Variants in ELP4 observed in about 807,000 individuals in gnomAD.
The protein encoded by ELP4 is elongator complex protein 4.
ELP4 carries 51 observed loss-of-function variants against 48.9 expected under a neutral mutation model. That is an observed-to-expected ratio of 1.04 (90% CI 0.83 to 1.32). The LOEUF is 1.32. Ranked by LOEUF, ELP4 falls within the 40% of genes most tolerant of loss-of-function variation. The pLI, the probability that ELP4 is intolerant of heterozygous loss-of-function variation, is 0.00. For synonymous variants in ELP4, 210 were observed against 189.2 expected, an observed-to-expected ratio of 1.11 and a Z score of -0.90; for missense variants, 519 against 514.6, an observed-to-expected ratio of 1.01 and a Z score of -0.08.
chr11:31,605,569 T>C (rs909421041), intron 5 of ELP4, among the ~76,000 whole-genome samples: 1 of 152,090 alleles, frequency 6.6e-6, no homozygotes, highest in African/African-American at 2.4e-5. Flanking sequence ...AAAATAAATG[T>C]AAAATGTATA....
intron 5 of ELP4, among the ~76,000 whole-genome samples, chr11:31,616,857 C>T (rs1944496501): frequency 6.6e-6 from 1 of 151,906 alleles, no homozygotes; most frequent in Non-Finnish European, 1.5e-5. Flanking sequence ...AAGTCAAAAC[C>T]ACAAGATACC....
chr11:31,705,010 A>C (rs1047653384), intron 9 of ELP4, among the ~76,000 whole-genome samples: 2 of 143,988 alleles, frequency 1.4e-5, no homozygotes, highest in African/African-American at 5.2e-5. Context: ...ACTCCATCTC[A>C]AAAAAAAAAA....
At position 31,729,982 on chromosome 11, in the gene ELP4, A is replaced by T. The variant is rs190846977; in HGVS notation, c.1144-53411A>T. ...GATTGTAGAATAGGAATCCCCAGAC[A>T]TTCTTTCCTTCTGTGGAAATACCAA... On this transcript the variant is annotated intron_variant, in intron 9 of 9. Transcript: ENST00000640961. Among the ~76,000 whole-genome samples the T allele has an allele frequency of 1.4e-4, 22 of 152,324 alleles. No individual in the cohort carries two copies. In the East Asian group the frequency reaches 2.9e-3, roughly 20 times the overall value.
chr11:31,763,551 T>C (rs1272462316), intron 9 of ELP4: 1 of 1,591,510 alleles, frequency 6.3e-7, no homozygotes, highest in Non-Finnish European at 8.5e-7. Flanking sequence ...TTGCAAAGGG[T>C]ATGGGCTTTC....
chr11:31,610,519 C>G (rs544069960), intron 5 of ELP4, among the ~76,000 whole-genome samples: 16 of 152,284 alleles, frequency 1.1e-4, no homozygotes, highest in African/African-American at 1.9e-4. Flanking sequence ...TCCCTTCCCC[C>G]CTCCGTATTC....
intron 9 of ELP4, among the ~76,000 whole-genome samples, chr11:31,665,969 T>C (rs1945664521): frequency 6.6e-6 from 1 of 150,910 alleles, no homozygotes. Flanking sequence ...TCTCTCACTT[T>C]AACATAAAAT....
chr11:31,540,131 A>G (rs952372879), intron 3 of ELP4, among the ~76,000 whole-genome samples: 1 of 152,206 alleles, frequency 6.6e-6, no homozygotes, highest in Non-Finnish European at 1.5e-5. Flanking sequence ...GAAAGGGGAA[A>G]AACATCCTTT....
chr11:31,600,347 T>C (rs1957758672), intron 4 of ELP4: 1 of 152,182 alleles, frequency 6.6e-6, no homozygotes, highest in Admixed American at 6.5e-5. Flanking sequence ...CTTAATTTTC[T>C]CAGTATTGTA....
intron 3 of ELP4, among the ~76,000 whole-genome samples, chr11:31,558,365 A>G (rs556698857): frequency 3.9e-5 from 6 of 152,318 alleles, no homozygotes; most frequent in African/African-American, 1.4e-4. Flanking sequence ...ATTAAAATGT[A>G]CAGGAGAATA....
intron 7 of ELP4, among the ~76,000 whole-genome samples, chr11:31,644,894 A>G (rs1945170694): frequency 6.6e-6 from 1 of 151,800 alleles, no homozygotes; most frequent in Non-Finnish European, 1.5e-5. Flanking sequence ...GTAAAAATAA[A>G]CATTTTCTCA....
chr11:31,778,592 CACTT>C (rs1161505468), intron 9 of ELP4, among the ~76,000 whole-genome samples: 2 of 152,166 alleles, frequency 1.3e-5, no homozygotes, highest in African/African-American at 4.8e-5. Context: ...GTTCACAAAA[CACTT>C]ACACATCTCA....
intron 9 of ELP4, chr11:31,662,532 A>G: frequency 2.5e-6 from 1 of 397,706 alleles, no homozygotes. Context: ...ACAGTGCATC[A>G]CTAAGTTGAG....
Position 31,776,431 on chromosome 11 carries a change from A to G in ELP4, c.1144-6962A>G, listed in dbSNP as rs193253836. On this transcript the variant is annotated intron_variant, in intron 9 of 9. Transcript: ENST00000640961. The stretch of plus-strand genomic sequence containing the variant: ...CTCAGCCTCTTCTATTGGCAAGGGA[A>G]GCTAGGAACTGTGACCTCTGTTCTA... 1.6e-4 allele frequency among the ~76,000 whole-genome samples: 24 copies of G among 152,350 alleles called. No individual in the cohort carries two copies. The East Asian group carries it at 4.4e-3, about 28-fold the overall frequency.
intron 3 of ELP4, among the ~76,000 whole-genome samples, chr11:31,567,126 T>A (rs1038588164): frequency 6.6e-6 from 1 of 151,812 alleles, no homozygotes; most frequent in Non-Finnish European, 1.5e-5. Context: ...AGAGATGGGG[T>A]TTCTCCATGT....
intron 5 of ELP4, among the ~76,000 whole-genome samples, chr11:31,623,385 ATAT>A (rs1565084272): frequency 6.0e-5 from 6 of 99,566 alleles, no homozygotes; most frequent in South Asian, 6.2e-4. Context: ...ATATATATAT[ATAT>A]ATAAAACTAG....
At chr11:31,763,733 T>G (rs1356392069) in intron 9 of ELP4, among the ~76,000 whole-genome samples, 2 of 152,134 alleles carry the variant, frequency 1.3e-5, no homozygotes, top group African/African-American at 4.8e-5. Context: ...CTAAGTAGAA[T>G]TTGGTGTTCA....
At chr11:31,519,418 A>G (rs182894130) in intron 1 of ELP4, among the ~76,000 whole-genome samples, 1 of 152,336 alleles carries the variant, frequency 6.6e-6, no homozygotes, top group East Asian at 1.9e-4. Context: ...GAGTTAATTT[A>G]TTAACAAGTG....
At chr11:31,567,429 T>G (rs912673837) in intron 3 of ELP4, among the ~76,000 whole-genome samples, 4 of 152,344 alleles carry the variant, frequency 2.6e-5, no homozygotes, top group Non-Finnish European at 1.5e-5. Context: ...ATTGAAGAAT[T>G]ACATTTGTCC....
rs530949748 is a variant in ELP4, at chr11:31,686,424, T to C, written c.1143+36203T>C. Reference sequence around the variant, plus strand: ...AATTAGATGCAAGCATCTGACTATTTTATTAAAACTTCAGATTAAACATGG... The same window carrying C: ...AATTAGATGCAAGCATCTGACTATTCTATTAAAACTTCAGATTAAACATGG... On this transcript the variant is annotated intron_variant, in intron 9 of 9. Transcript: ENST00000640961. Among the ~76,000 whole-genome samples, 8 of 152,126 alleles carry C rather than the reference T, an allele frequency of 5.3e-5. No individual in the cohort carries two copies. The South Asian group carries it at 1.7e-3, about 32-fold the overall frequency.
Sources: allele counts gnomAD v4.1 joint callset (sites outside exome capture counted in the v4.1 genomes callset), GRCh38; gene constraint gnomAD v4.1.1; transcripts MANE v1.5; gene names NCBI Gene and HGNC (gene_info 2026-07-23, HGNC 2026-07-21).